The following CDH13 variants were observed in gnomAD, a reference collection of about 807,000 sequenced individuals.
CDH13 encodes cadherin-13.
Under a neutral mutation model 63.8 loss-of-function variants are expected in CDH13, and 24 were observed. That is an observed-to-expected ratio of 0.38 (90% CI 0.27 to 0.53). The LOEUF is 0.53. Among genes scored for constraint, CDH13 ranks in the 20% least tolerant of loss-of-function variants. CDH13 has a pLI of 0.85. For synonymous variants in CDH13, 503 were observed against 355.3 expected (o/e 1.42, Z -4.67); for missense variants, 1,049 against 903.1 (o/e 1.16, Z -2.07).
intron 4 of CDH13, among the ~76,000 whole-genome samples, chr16:83,197,727 C>T (rs2038915371): frequency 6.6e-6 from 1 of 151,794 alleles, no homozygotes. Context: ...GATACGCAAG[C>T]CAATACGTAG....
chr16:83,310,846 A>T (rs1011148336), intron 5 of CDH13, among the ~76,000 whole-genome samples: 2 of 152,188 alleles, frequency 1.3e-5, no homozygotes, highest in Non-Finnish European at 2.9e-5. Context: ...GGACTAGAGA[A>T]AGGAACCCTC....
At position 83,352,485 on chromosome 16, in the gene CDH13, A is replaced by G. The variant is rs1172591152; in HGVS notation, c.781+7479A>G. On this transcript the variant is annotated intron_variant, in intron 6 of 13. Transcript: ENST00000567109. ...ACTACTGGGCGTCTACACAAAGGAA[A>G]AGAAGCCACTGTATCAAAAAAACAC... Among the ~76,000 whole-genome samples, 2 of 152,228 alleles carry G rather than the reference A, an allele frequency of 1.3e-5. 1 individual carries two copies. Among genetic ancestry groups the G allele is most frequent in the Middle Eastern group, 6.3e-3 (2 of 316 alleles).
intron 7 of CDH13, among the ~76,000 whole-genome samples, chr16:83,503,387 A>C (rs1598170931): frequency 6.6e-6 from 1 of 152,332 alleles, no homozygotes; most frequent in South Asian, 2.1e-4. Flanking sequence ...ATGGGGTGGG[A>C]TAACAACACG....
chr16:83,193,427 G>T (rs1011771760), intron 4 of CDH13, among the ~76,000 whole-genome samples: 1 of 152,132 alleles, frequency 6.6e-6, no homozygotes, highest in Non-Finnish European at 1.5e-5. Flanking sequence ...CTACCTCCTG[G>T]GGAGAAGACA....
chr16:82,954,679 G>T (rs1018696865), intron 2 of CDH13: 1 of 151,498 alleles, frequency 6.6e-6, no homozygotes, highest in Non-Finnish European at 1.5e-5. Flanking sequence ...AGCACTCCAT[G>T]GTTTTCAGTC....
chr16:83,193,854 G>A (rs145117505), intron 4 of CDH13, among the ~76,000 whole-genome samples: 1 of 152,260 alleles, frequency 6.6e-6, no homozygotes, highest in East Asian at 1.9e-4. Context: ...TAGGGCTAAC[G>A]ATGCCTATTT....
intron 2 of CDH13, among the ~76,000 whole-genome samples, chr16:82,872,700 C>T (rs993325707): frequency 2.0e-5 from 3 of 152,136 alleles, no homozygotes; most frequent in African/African-American, 7.2e-5. Flanking sequence ...AAATGCTTGC[C>T]AGTCAAAATA....
intron 4 of CDH13, among the ~76,000 whole-genome samples, chr16:83,205,673 T>C (rs28419431): frequency 0.99 from 148,604 of 149,374 alleles, 73,924 homozygotes; most frequent in Middle Eastern, 1. Flanking sequence ...GACGTGATCT[T>C]GGCTCACTGC....
intron 7 of CDH13, among the ~76,000 whole-genome samples, chr16:83,569,045 C>G (rs1425697799): frequency 6.6e-6 from 1 of 152,094 alleles, no homozygotes; most frequent in African/African-American, 2.4e-5. Context: ...AATCTAGTCC[C>G]AAACCACTGT....
At chr16:83,157,328 A>G (rs2037248864) in intron 4 of CDH13, among the ~76,000 whole-genome samples, 2 of 152,120 alleles carry the variant, frequency 1.3e-5, no homozygotes, top group South Asian at 4.2e-4. Context: ...CCATGTGCCT[A>G]CCCTTTGGGC....
chr16:82,889,915 G>C (rs1057294346), intron 2 of CDH13, among the ~76,000 whole-genome samples: 13 of 152,354 alleles, frequency 8.5e-5, no homozygotes, highest in Non-Finnish European at 1.6e-4. Flanking sequence ...CTCTTCTTTG[G>C]AAATTGGCAT....
At chr16:83,539,719 C>G (rs1409662427) in intron 7 of CDH13, among the ~76,000 whole-genome samples, 1 of 152,178 alleles carries the variant, frequency 6.6e-6, no homozygotes, top group East Asian at 1.9e-4. Flanking sequence ...ATTCCCATTT[C>G]ATAGATGAAG....
At chr16:83,445,829 C>T (rs934920693) in intron 6 of CDH13, among the ~76,000 whole-genome samples, 1 of 152,100 alleles carries the variant, frequency 6.6e-6, no homozygotes, top group South Asian at 2.1e-4. Flanking sequence ...TCCCAGTCTT[C>T]CTCAAGTAGG....
At chr16:83,083,665 G>A (rs545601499) in intron 3 of CDH13, among the ~76,000 whole-genome samples, 2 of 152,246 alleles carry the variant, frequency 1.3e-5, no homozygotes, top group African/African-American at 2.4e-5. Context: ...AGAGAAACTC[G>A]ATAGAACTAT....
intron 4 of CDH13, among the ~76,000 whole-genome samples, chr16:83,201,681 A>C (rs2039034837): frequency 6.6e-6 from 1 of 151,808 alleles, no homozygotes; most frequent in Admixed American, 6.6e-5. Context: ...GCAGGTCACG[A>C]GGTCAGGAGA....
chr16:83,055,175 C>G (rs938554612), intron 3 of CDH13, among the ~76,000 whole-genome samples: 1 of 151,606 alleles, frequency 6.6e-6, no homozygotes, highest in African/African-American at 2.4e-5. Flanking sequence ...ACTTGAGAAT[C>G]CAGATAAAGT....
chr16:83,486,814 G>A (rs2073900837), intron 7 of CDH13, among the ~76,000 whole-genome samples, 159 bp downstream of exon 7: 1 of 152,254 alleles, frequency 6.6e-6, no homozygotes, highest in Middle Eastern at 3.4e-3. Flanking sequence ...AAAGGGAAAT[G>A]GGATATTATG....
At chr16:83,624,309 C>T (rs1910074394) in intron 8 of CDH13, among the ~76,000 whole-genome samples, 1 of 150,714 alleles carries the variant, frequency 6.6e-6, no homozygotes, top group South Asian at 2.1e-4. Flanking sequence ...TCAGACCGGG[C>T]ATTGATTCCC....
intron 5 of CDH13, among the ~76,000 whole-genome samples, chr16:83,319,304 C>G (rs1045477740): frequency 7.2e-5 from 11 of 152,282 alleles, no homozygotes; most frequent in Non-Finnish European, 1.0e-4. Context: ...CTTTGGCATT[C>G]CTTCCGAAGG....
Sources: gnomAD v4.1 joint callset for allele counts (sites outside exome capture counted in the v4.1 genomes callset) on GRCh38, gnomAD v4.1.1 for gene constraint, MANE v1.5 for transcripts, NCBI Gene and HGNC (gene_info 2026-07-23, HGNC 2026-07-21) for gene names.